TMTC1: variants seen among roughly 807,000 people sequenced by gnomAD.
The protein encoded by TMTC1 is protein O-mannosyl-transferase TMTC1.
Under a neutral mutation model 104.8 loss-of-function variants are expected in TMTC1, and 73 were observed. That is an observed-to-expected ratio of 0.70 (90% CI 0.58 to 0.85). The LOEUF (loss-of-function observed/expected upper bound fraction) is 0.85, where lower values mean the gene tolerates loss of function less well. TMTC1 is among the 40% of genes least tolerant of loss of function. The probability of loss-of-function intolerance (pLI) is 0.00; values close to 1 mark genes in which losing one functional copy is unlikely to be tolerated. For missense variants in TMTC1, 1,035 were observed against 1,096.1 expected (o/e 0.94, Z 0.79); for synonymous variants, 434 against 428.7 (o/e 1.01, Z -0.15).
At chr12:29,628,712 G>C (rs763450849) in intron 6 of TMTC1, among the ~76,000 whole-genome samples, 2 of 152,046 alleles carry the variant, frequency 1.3e-5, no homozygotes, top group Non-Finnish European at 2.9e-5. Flanking sequence ...ACCCAGGCTG[G>C]AGTAAGTGGT....
intron 5 of TMTC1, among the ~76,000 whole-genome samples, chr12:29,634,775 T>A (rs1467932223): frequency 6.6e-6 from 1 of 152,222 alleles, no homozygotes; most frequent in African/African-American, 2.4e-5. Flanking sequence ...CTCCCTCATT[T>A]GTCAGGTTCT....
intron 5 of TMTC1, among the ~76,000 whole-genome samples, chr12:29,722,560 T>C (rs1942265224): frequency 6.6e-6 from 1 of 151,946 alleles, no homozygotes; most frequent in African/African-American, 2.4e-5. Flanking sequence ...AAGAAAGAAG[T>C]AGTTTAAAGA....
At chr12:29,580,227 G>T (rs1003110883) in intron 8 of TMTC1, among the ~76,000 whole-genome samples, 1 of 152,152 alleles carries the variant, frequency 6.6e-6, no homozygotes, top group Non-Finnish European at 1.5e-5. Context: ...GCTGAGGTGA[G>T]AAGATCGCTT....
At chr12:29,527,730 T>C (rs1473840570) in intron 11 of TMTC1, among the ~76,000 whole-genome samples, 1 of 152,262 alleles carries the variant, frequency 6.6e-6, no homozygotes, top group African/African-American at 2.4e-5. Context: ...ATTACTGCTT[T>C]ACTGGATCTA....
intron 8 of TMTC1, among the ~76,000 whole-genome samples, chr12:29,581,871 G>A (rs546724485): frequency 1.9e-4 from 29 of 152,138 alleles, no homozygotes; most frequent in Admixed American, 7.9e-4. Flanking sequence ...GAGGCAGAAG[G>A]AAGGAATGAG....
intron 2 of TMTC1, among the ~76,000 whole-genome samples, chr12:29,767,379 T>C (rs1943490654): frequency 6.6e-6 from 1 of 152,244 alleles, no homozygotes; most frequent in Non-Finnish European, 1.5e-5. Flanking sequence ...TCTAATTTTT[T>C]ATAGTTCTTC....
At chr12:29,582,017 T>C (rs866447613) in intron 8 of TMTC1, among the ~76,000 whole-genome samples, 2 of 152,140 alleles carry the variant, frequency 1.3e-5, no homozygotes, top group South Asian at 2.1e-4. Context: ...AAACTCTACA[T>C]TGAGCTCCCT....
intron 11 of TMTC1, among the ~76,000 whole-genome samples, chr12:29,532,206 T>C (rs537624780): frequency 3.2e-4 from 49 of 152,288 alleles, no homozygotes; most frequent in Non-Finnish European, 6.6e-4. Flanking sequence ...CCATATGCCA[T>C]TTTCATTGAA....
chr12:29,554,646 A>C (rs1945190956), intron 10 of TMTC1, among the ~76,000 whole-genome samples: 1 of 152,136 alleles, frequency 6.6e-6, no homozygotes, highest in Non-Finnish European at 1.5e-5. Context: ...AGGCAGATGG[A>C]TTGTTTTAGC....
At chr12:29,605,647 C>T (rs1014541186) in intron 6 of TMTC1, among the ~76,000 whole-genome samples, 2 of 147,392 alleles carry the variant, frequency 1.4e-5, no homozygotes, top group African/African-American at 5.0e-5. Flanking sequence ...TTAGACTATA[C>T]TTTGGGTTTA....
chr12:29,777,401 C>T lies in TMTC1; in HGVS notation c.302+6049G>A, dbSNP rs148077773. On this transcript the variant is annotated intron_variant, in intron 1 of 17. Coordinates refer to ENST00000539277, the MANE Select transcript of TMTC1 (RefSeq NM_001193451.2). ...GAGCCACCGTGCCCGACCTCCTTACCCCTCTCTTTAAGTGAGATGATGACA... is the reference window on the plus strand; with the variant it reads ...GAGCCACCGTGCCCGACCTCCTTACTCCTCTCTTTAAGTGAGATGATGACA... Among the ~76,000 whole-genome samples the T allele has an allele frequency of 7.2e-5, 11 of 152,134 alleles. No homozygotes were observed. The East Asian group carries it at 2.1e-3, about 29-fold the overall frequency.
intron 11 of TMTC1, among the ~76,000 whole-genome samples, chr12:29,530,890 T>C (rs1018608722): frequency 1.3e-5 from 2 of 152,218 alleles, no homozygotes; most frequent in African/African-American, 4.8e-5. Context: ...AGCTTTTCCT[T>C]TCACTTTTAC....
intron 16 of TMTC1, among the ~76,000 whole-genome samples, chr12:29,513,337 T>TAC (rs760268550): frequency 1.4e-3 from 212 of 147,738 alleles, no homozygotes; most frequent in Non-Finnish European, 2.2e-3. Context: ...TATATATATA[T>TAC]ACACACACAC....
chr12:29,604,246 G>T lies in TMTC1; in HGVS notation c.1182C>A (p.Phe394Leu). 6.2e-7 allele frequency: 1 copy of T among 1,613,966 alleles called. No individual in the cohort carries two copies. The highest frequency in any genetic ancestry group is 8.5e-7 in the Non-Finnish European group (1 of 1,179,906). Reference sequence around the variant, plus strand: ...TGAAGAAGAGGTTGCTGGCTGGAATGAACGGGAACACCAGGAACAACAAGC... The same window carrying T: ...TGAAGAAGAGGTTGCTGGCTGGAATTAACGGGAACACCAGGAACAACAAGC... Reference protein sequence around the residue: ...LVGLLFLVFPFIPASNLFFRV... With the variant: ...LVGLLFLVFPLIPASNLFFRV... The change falls in exon 7 of 18, where the codon TTC (phenylalanine) becomes TTA (leucine). Residue 394 changes from phenylalanine to leucine, a missense_variant. Phe to Leu is a conservative substitution (Grantham distance 22). Coordinates refer to ENST00000539277, the MANE Select transcript of TMTC1 (RefSeq NM_001193451.2).
At chr12:29,730,975 T>C (rs1942531118) in intron 5 of TMTC1, among the ~76,000 whole-genome samples, 1 of 152,272 alleles carries the variant, frequency 6.6e-6, no homozygotes, top group East Asian at 1.9e-4. Context: ...TAACAAGAAA[T>C]TGAACAGGAG....
chr12:29,700,898 TGTC>T (rs1244784197), intron 5 of TMTC1, among the ~76,000 whole-genome samples: 13 of 152,230 alleles, frequency 8.5e-5, no homozygotes, highest in African/African-American at 3.1e-4. Context: ...CATTACTCAT[TGTC>T]GTGACAAGAA....
At chr12:29,760,358 TG>T (rs1943316278) in intron 2 of TMTC1, among the ~76,000 whole-genome samples, 1 of 152,148 alleles carries the variant, frequency 6.6e-6, no homozygotes, top group African/African-American at 2.4e-5. Context: ...GCAGAGGAGT[TG>T]GGAAATAACC....
chr12:29,771,309 G>T (rs542422233), intron 1 of TMTC1, among the ~76,000 whole-genome samples: 132 of 152,164 alleles, frequency 8.7e-4, no homozygotes, highest in Middle Eastern at 3.4e-3. Flanking sequence ...CTCACATGGG[G>T]ATATAAAAGA....
chr12:29,531,831 G>C (rs770229477), intron 11 of TMTC1, among the ~76,000 whole-genome samples: 5 of 152,028 alleles, frequency 3.3e-5, no homozygotes, highest in Admixed American at 6.5e-5. Context: ...ATCCTTCTGG[G>C]TTTCTTTTAT....
Sources: gnomAD v4.1 joint callset for allele counts (sites outside exome capture counted in the v4.1 genomes callset) on GRCh38, gnomAD v4.1.1 for gene constraint, MANE v1.5 for transcripts, NCBI Gene and HGNC (gene_info 2026-07-23, HGNC 2026-07-21) for gene names.